Variants in PCDHGA10 observed in about 807,000 individuals in gnomAD.
PCDHGA10 encodes protocadherin gamma subfamily A, 10, also known as protocadherin gamma-A10.
PCDHGA10 carries 42 observed loss-of-function variants against 59.5 expected under a neutral mutation model. That is an observed-to-expected ratio of 0.71 (90% CI 0.55 to 0.91). PCDHGA10 has a LOEUF of 0.91. Ranked by LOEUF, PCDHGA10 falls within the 40% of genes least tolerant of loss-of-function variation. PCDHGA10 has a pLI of 0.00. For synonymous variants in PCDHGA10, 511 were observed against 517.2 expected, an observed-to-expected ratio of 0.99 and a Z score of 0.16; for missense variants, 1,111 against 1,198.2, an observed-to-expected ratio of 0.93 and a Z score of 1.07.
Position 141,491,947 on chromosome 5 carries a change from C to T in PCDHGA10, c.2437-2860C>T. ...GGGGAGGTGGGACCGACCCCCACCCCTACACTCAAAAAAGGCCGGGGCCTC... is the reference window on the plus strand; with the variant it reads ...GGGGAGGTGGGACCGACCCCCACCCTTACACTCAAAAAAGGCCGGGGCCTC... On this transcript the variant is annotated intron_variant, in intron 1 of 3. Coordinates refer to ENST00000398610, the MANE Select transcript of PCDHGA10 (RefSeq NM_018913.3). The surrounding 1 kb of genome is among the most constrained non-coding windows in gnomAD (Gnocchi z 6.9). 1 of 1,114,210 alleles carries T rather than the reference C, an allele frequency of 9.0e-7. No individual in the cohort carries two copies. The highest frequency in any genetic ancestry group is 1.2e-6 in the Non-Finnish European group (1 of 815,758). 69.0% of individuals were successfully genotyped at this position (1,114,210 alleles called of 1,614,324 possible). A position where few individuals can be genotyped will look rare whatever the true frequency, so the allele number is the denominator to read the frequency against.
At chr5:141,445,364 C>T (rs1374418361) in intron 1 of PCDHGA10, among the ~76,000 whole-genome samples, 1 of 152,158 alleles carries the variant, frequency 6.6e-6, no homozygotes, top group African/African-American at 2.4e-5. Flanking sequence ...CAAGTCTGGT[C>T]CTGGGTGGTT....
intron 1 of PCDHGA10, chr5:141,421,745 T>C: frequency 6.2e-7 from 1 of 1,613,950 alleles, no homozygotes; most frequent in Non-Finnish European, 8.5e-7. Flanking sequence ...AGCTACCAGC[T>C]CAGCCCTAAT....
chr5:141,482,505 C>T (rs1183998287), intron 1 of PCDHGA10, among the ~76,000 whole-genome samples: 1 of 122,986 alleles, frequency 8.1e-6, no homozygotes, highest in African/African-American at 3.4e-5. Context: ...TTCTGGTACC[C>T]AGAGTACAGT....
At chr5:141,455,360 A>C (rs2098820130) in intron 1 of PCDHGA10, among the ~76,000 whole-genome samples, 1 of 152,112 alleles carries the variant, frequency 6.6e-6, no homozygotes, top group Non-Finnish European at 1.5e-5. Context: ...TTAATAGGCA[A>C]GAAGGAAGGG....
intron 1 of PCDHGA10, chr5:141,426,876 C>G (rs796453479): frequency 2.2e-6 from 1 of 456,726 alleles, no homozygotes; most frequent in Admixed American, 2.3e-5. Flanking sequence ...GGAGAAGCCC[C>G]TGGGCCAGGA....
In PCDHGA10 at chr5:141,502,866, C is replaced by CTTTTTTTTTTTTTTTTT. The variant is rs549047197; in HGVS notation, c.2496-2513_2496-2512insTTTTTTTTTTTTTTTTT. Among the ~76,000 whole-genome samples the CTTTTTTTTTTTTTTTTT allele has an allele frequency of 3.1e-5, 4 of 128,046 alleles. 1 individual carries two copies. 84.0% of individuals were successfully genotyped at this position (128,046 alleles called of 152,430 possible). A position where few individuals can be genotyped will look rare whatever the true frequency, so the allele number is the denominator to read the frequency against. ...GAGCTGCCTAACCCTGACTCTCTGTCTTTTTTTTTTTTTTGACAGGGAGTC... is the reference window on the plus strand; with the variant it reads ...GAGCTGCCTAACCCTGACTCTCTGTCTTTTTTTTTTTTTTTTTTTTTTTTTTTTTTTGACAGGGAGTC... On this transcript the variant is annotated intron_variant, in intron 2 of 3. Transcript: ENST00000398610.
chr5:141,505,616 C>A, intron 3 of PCDHGA10, 135 bp downstream of exon 3: 1 of 1,503,160 alleles, frequency 6.7e-7, no homozygotes. Flanking sequence ...CTGAAAGGAC[C>A]CACAATTCCA....
intron 1 of PCDHGA10, chr5:141,468,381 G>A (rs1297428363): frequency 2.0e-5 from 3 of 149,754 alleles, no homozygotes; most frequent in South Asian, 2.1e-4. Flanking sequence ...AGCCATACAA[G>A]GCTACCCATT....
intron 1 of PCDHGA10, among the ~76,000 whole-genome samples, chr5:141,457,480 G>T (rs566798464): frequency 6.6e-6 from 1 of 152,148 alleles, no homozygotes; most frequent in African/African-American, 2.4e-5. Context: ...GCAGGGCCAG[G>T]GTTAGTCTAA....
rs371821042 is a variant in PCDHGA10, at chr5:141,421,764, T to C, written c.2436+6153T>C. The C allele has an allele frequency of 8.7e-6, 14 of 1,613,782 alleles. No individual in the cohort carries two copies. The African/African-American group carries it at 1.5e-4, about 17-fold the overall frequency. ...ACCAGCTCAGCCCTAATAATTACTT[T>C]TCCTTGCAACTGCGGGGCAGAACGG... On this transcript the variant is annotated intron_variant, in intron 1 of 3. Transcript: ENST00000398610.
Position 141,485,519 on chromosome 5 carries a change from A to T in PCDHGA10, c.2437-9288A>T. ...GTTTGTCACCGAAGGTCCTTTGGAA[A>T]TGTACCGAGCAGAGGTAGAGATCGT... On this transcript the variant is annotated intron_variant, in intron 1 of 3. Transcript: ENST00000398610. The surrounding 1 kb of genome is among the most constrained non-coding windows in gnomAD (Gnocchi z 5.7). The T allele has an allele frequency of 6.2e-7, 1 of 1,614,150 alleles. No individual in the cohort carries two copies. The highest frequency in any genetic ancestry group is 8.5e-7 in the Non-Finnish European group (1 of 1,180,018).
intron 2 of PCDHGA10, among the ~76,000 whole-genome samples, chr5:141,501,279 A>T (rs1180397181): frequency 3.0e-5 from 4 of 135,444 alleles, no homozygotes. Context: ...AGTCTATGGG[A>T]TATTCCCTTA....
At chr5:141,442,129 G>T in intron 1 of PCDHGA10, 1 of 165,104 alleles carries the variant, frequency 6.1e-6, no homozygotes, top group Non-Finnish European at 1.3e-5. Flanking sequence ...CCGACAGCCT[G>T]CAGGAGACTC....
chr5:141,490,936 C>T lies in PCDHGA10; in HGVS notation c.2437-3871C>T. 6.2e-7 allele frequency: 1 copy of T among 1,613,694 alleles called. No individual in the cohort carries two copies. On this transcript the variant is annotated intron_variant, in intron 1 of 3. Transcript: ENST00000398610. The surrounding 1 kb of genome is among the most constrained non-coding windows in gnomAD (Gnocchi z 5.4). ...GAATGATAATGCCCCAGCTGTGCTG[C>T]ACCCACGGCCAGACTGGGAACACTC...
rs549455612 is a variant in PCDHGA10 at position 141,415,049 on chromosome 5, A to T, written c.1874A>T (p.Glu625Val). Residue 625 changes from glutamate to valine, a missense_variant, in exon 1 of 4, where the codon GAG (glutamate) becomes GTG (valine). Transcript: ENST00000398610. Reference sequence around the variant, plus strand: ...GAGCCGGGACTCTTCGCGGTGGGGGAGCACACGGGCGAGGTGCGCACGGCG... The same window carrying T: ...GAGCCGGGACTCTTCGCGGTGGGGGTGCACACGGGCGAGGTGCGCACGGCG... ...ASEPGLFAVG[E>V]HTGEVRTARA... is the part of the protein sequence containing the mutation. 84 of 1,613,216 alleles carry T rather than the reference A, an allele frequency of 5.2e-5. 1 individual carries two copies. In the Admixed American group the frequency reaches 6.0e-4, roughly 12 times the overall value.
chr5:141,495,000 G>A lies in PCDHGA10; in HGVS notation c.2495+135G>A, dbSNP rs191756104. ...AGTTTGAGATCCCAGGGAGGTCTTG[G>A]TGTGCGGGGGGCTGGCACACAGACC... On this transcript the variant is annotated intron_variant, in intron 2 of 3. Transcript: ENST00000398610. 1.3e-4 allele frequency: 202 copies of A among 1,531,656 alleles called. 2 individuals carry two copies. The African/African-American group carries it at 2.4e-3, about 19-fold the overall frequency. The allele number at this position is 1,531,656 out of a possible 1,614,324, so 94.9% of individuals were successfully genotyped here. A position where few individuals can be genotyped will look rare whatever the true frequency, so the allele number is the denominator to read the frequency against.
Position 141,432,099 on chromosome 5 carries a change from A to G in PCDHGA10, c.2436+16488A>G. On this transcript the variant is annotated intron_variant, in intron 1 of 3. Transcript: ENST00000398610. This position sits in a 1 kb window ranked among gnomAD's most constrained non-coding sequence, Gnocchi z 6.0. ...TCGCTGAACGTGGCAGACACCAACG[A>G]CAACCCGCCGGTCTTCCCTCAGGCC... 6.2e-7 allele frequency: 1 copy of G among 1,614,102 alleles called. No homozygotes were observed. The highest frequency in any genetic ancestry group is 1.1e-5 in the South Asian group (1 of 91,070).
chr5:141,467,736 G>A (rs1435480730), intron 1 of PCDHGA10, among the ~76,000 whole-genome samples: 1 of 151,902 alleles, frequency 6.6e-6, no homozygotes, highest in Non-Finnish European at 1.5e-5. Flanking sequence ...ATCCCAGCTC[G>A]CTGCAACCTC....
intron 1 of PCDHGA10, among the ~76,000 whole-genome samples, chr5:141,482,985 C>T (rs971017271): frequency 1.3e-5 from 2 of 151,372 alleles, no homozygotes; most frequent in East Asian, 1.9e-4. Context: ...CTTGAGAGGT[C>T]GAGGCAGGAG....
Sources: allele counts gnomAD v4.1 joint callset (sites outside exome capture counted in the v4.1 genomes callset), GRCh38; gene constraint gnomAD v4.1.1; non-coding constraint Gnocchi (gnomAD v3.1); transcripts MANE v1.5; gene names NCBI Gene and HGNC (gene_info 2026-07-23, HGNC 2026-07-21).